CCSER1: variants seen among roughly 807,000 people sequenced by gnomAD.
CCSER1 encodes serine-rich coiled-coil domain-containing protein 1.
In CCSER1, 41 loss-of-function variants were observed where a neutral mutation model predicts 82.0. The observed-to-expected ratio is 0.50, with a 90% CI of 0.39 to 0.65. CCSER1 has a LOEUF of 0.65. CCSER1 is among the 30% of genes least tolerant of loss of function. The pLI is 0.00. For synonymous variants in CCSER1, 414 were observed against 383.9 expected, an observed-to-expected ratio of 1.08 and a Z score of -0.92; for missense variants, 1,119 against 1,064.2, an observed-to-expected ratio of 1.05 and a Z score of -0.72.
rs571108996 is a variant in CCSER1 at position 91,274,222 on chromosome 4, G to A, written c.2217+188228G>A. ...ATTGATACATACTATTTTTACATAT[G>A]TATGGGGTACATGTGATATTTTATT... is the stretch of plus-strand genomic sequence containing the variant. On this transcript the variant is annotated intron_variant, in intron 10 of 10. Transcript: ENST00000509176. Among the ~76,000 whole-genome samples, 177 of 152,060 alleles carry A rather than the reference G, an allele frequency of 1.2e-3. 2 individuals carry two copies. The highest frequency in any genetic ancestry group is 3.9e-3 in the African/African-American group (163 of 41,456).
rs569875032 is a variant in CCSER1, at chr4:91,356,521, C to T, written c.2218-242051C>T. On this transcript the variant is annotated intron_variant, in intron 10 of 10. Transcript: ENST00000509176. ...CCTATAAGGGGCTTCTCTTGCTTTA[C>T]GATGTCTTATTATTATTTTTTTTCC... is the stretch of plus-strand genomic sequence containing the variant. Among the ~76,000 whole-genome samples, 9 of 152,238 alleles carry T rather than the reference C, an allele frequency of 5.9e-5. No homozygotes were observed. In the South Asian group the frequency reaches 1.2e-3, roughly 21 times the overall value.
chr4:90,866,854 A>C (rs566393745), intron 8 of CCSER1, among the ~76,000 whole-genome samples: 1 of 152,100 alleles, frequency 6.6e-6, no homozygotes, highest in South Asian at 2.1e-4. Context: ...AGGAGCCTGC[A>C]ACCTAAATCC....
chr4:91,399,473 A>C (rs565169586), intron 10 of CCSER1, among the ~76,000 whole-genome samples: 1 of 151,990 alleles, frequency 6.6e-6, no homozygotes. Flanking sequence ...TTTTATCCCT[A>C]TATTTTATGC....
intron 3 of CCSER1, among the ~76,000 whole-genome samples, chr4:90,384,036 T>G (rs1288807353): frequency 1.3e-5 from 2 of 152,078 alleles, no homozygotes; most frequent in African/African-American, 4.8e-5. Flanking sequence ...ACTCTGGGAT[T>G]AAGTGTGAAC....
intron 5 of CCSER1, among the ~76,000 whole-genome samples, chr4:90,482,426 T>G (rs187406086): frequency 0.015 from 2,344 of 152,278 alleles, 39 homozygotes; most frequent in African/African-American, 0.045. Context: ...TTTGAATGTG[T>G]TTGCTCTTGC....
chr4:91,134,615 T>A (rs1728293038), intron 10 of CCSER1, among the ~76,000 whole-genome samples: 1 of 152,032 alleles, frequency 6.6e-6, no homozygotes, highest in Admixed American at 6.6e-5. Context: ...GGAAAATTAT[T>A]CCTTATAGTA....
chr4:90,280,195 A>G (rs1578928012), intron 1 of CCSER1, among the ~76,000 whole-genome samples: 1 of 152,040 alleles, frequency 6.6e-6, no homozygotes, highest in East Asian at 1.9e-4. Context: ...GATTTCAAGA[A>G]CCTATAGACT....
At chr4:90,934,242 A>C (rs544712800) in intron 9 of CCSER1, among the ~76,000 whole-genome samples, 4 of 152,242 alleles carry the variant, frequency 2.6e-5, no homozygotes, top group African/African-American at 9.6e-5. Context: ...AAACAAAATT[A>C]TATTACTATT....
intron 1 of CCSER1, among the ~76,000 whole-genome samples, chr4:90,231,504 C>T (rs1390437245): frequency 1.4e-5 from 2 of 147,508 alleles, no homozygotes; most frequent in Non-Finnish European, 3.0e-5. Context: ...GACAAACCCA[C>T]AGCCAATATC....
At chr4:90,848,800 G>A (rs1763507676) in intron 8 of CCSER1, among the ~76,000 whole-genome samples, 1 of 152,140 alleles carries the variant, frequency 6.6e-6, no homozygotes. Flanking sequence ...TCGTGTTAGT[G>A]AGTTCTCACG....
intron 5 of CCSER1, among the ~76,000 whole-genome samples, chr4:90,594,436 T>G (rs928923280): frequency 6.6e-6 from 1 of 152,124 alleles, no homozygotes; most frequent in Non-Finnish European, 1.5e-5. Flanking sequence ...TGTGTGATTC[T>G]AGTGCCCATA....
intron 10 of CCSER1, among the ~76,000 whole-genome samples, chr4:91,560,566 A>G (rs907240596): frequency 2.0e-5 from 3 of 151,476 alleles, no homozygotes; most frequent in Non-Finnish European, 4.4e-5. Flanking sequence ...AAGCTTTATG[A>G]GGTCAAGTTG....
intron 7 of CCSER1, among the ~76,000 whole-genome samples, chr4:90,748,102 T>G (rs1048808774): frequency 6.8e-6 from 1 of 147,018 alleles, no homozygotes; most frequent in African/African-American, 2.5e-5. Context: ...TAGTTACATA[T>G]GTATACATGT....
At chr4:90,628,811 G>A (rs899003942) in intron 6 of CCSER1, among the ~76,000 whole-genome samples, 2 of 152,098 alleles carry the variant, frequency 1.3e-5, no homozygotes, top group African/African-American at 4.8e-5. Flanking sequence ...CTTGTGCCCA[G>A]AAATCAGCCA....
chr4:90,521,597 A>T (rs1022515358), intron 5 of CCSER1, among the ~76,000 whole-genome samples: 1 of 152,168 alleles, frequency 6.6e-6, no homozygotes, highest in East Asian at 1.9e-4. Flanking sequence ...TATAAAATTA[A>T]ATTGTAGTCA....
rs142352144 is a variant in CCSER1 at position 90,312,967 on chromosome 4, C to T, written c.1429C>T (p.Pro477Ser). 11,260 of 1,600,102 alleles carry T rather than the reference C, an allele frequency of 7.0e-3. 65 individuals carry two copies. The highest frequency in any genetic ancestry group is 8.2e-3 in the Non-Finnish European group (9,651 of 1,172,490). Residue 477 changes from proline to serine, a missense_variant, in exon 3 of 11, where the codon CCG becomes TCG. By Grantham distance (74) the Pro-to-Ser change is moderately conservative. Coordinates refer to ENST00000509176, the MANE Select transcript of CCSER1 (RefSeq NM_001145065.2). The stretch of plus-strand genomic sequence containing the variant: ...AGGGAGTAGCAGAATGATTTTGAAA[C>T]CGAAAGATGGAAATATAGAAGAAGT... ...TAGSSRMILK[P>S]KDGNIEEVNS...
intron 9 of CCSER1, among the ~76,000 whole-genome samples, chr4:91,061,708 C>T (rs1743969308): frequency 6.6e-6 from 1 of 151,960 alleles, no homozygotes; most frequent in African/African-American, 2.4e-5. Flanking sequence ...ACTTCTGTTT[C>T]ATAGCAATTA....
intron 7 of CCSER1, among the ~76,000 whole-genome samples, chr4:90,728,840 A>C (rs1303931412): frequency 6.6e-6 from 1 of 152,222 alleles, no homozygotes; most frequent in Non-Finnish European, 1.5e-5. Flanking sequence ...AGATGCAGTA[A>C]ATATAGAATT....
At chr4:91,050,345 C>G (rs1409641754) in intron 9 of CCSER1, among the ~76,000 whole-genome samples, 1 of 151,288 alleles carries the variant, frequency 6.6e-6, no homozygotes, top group African/African-American at 2.4e-5. Flanking sequence ...GCAGGAGACT[C>G]TCTTGAACCT....
Sources: allele counts gnomAD v4.1 joint callset (sites outside exome capture counted in the v4.1 genomes callset), GRCh38; gene constraint gnomAD v4.1.1; transcripts MANE v1.5; gene names NCBI Gene and HGNC (gene_info 2026-07-23, HGNC 2026-07-21).